The following RWDD1 variants were observed in gnomAD, a reference collection of about 807,000 sequenced individuals.
RWDD1 encodes the protein RWD domain containing 1.
RWDD1 carries 17 observed loss-of-function variants against 31.6 expected under a neutral mutation model. That is an observed-to-expected ratio of 0.54 (90% CI 0.37 to 0.81). The LOEUF (loss-of-function observed/expected upper bound fraction) is 0.81. RWDD1 is among the 30% of genes least tolerant of loss of function. RWDD1 has a pLI of 0.00. For synonymous variants in RWDD1, 78 were observed against 94.2 expected, an observed-to-expected ratio of 0.83 and a Z score of 0.99; for missense variants, 204 against 274.5, an observed-to-expected ratio of 0.74 and a Z score of 1.82.
chr6:116,583,305 T>C lies in RWDD1; in HGVS notation c.140-1422T>C, dbSNP rs149354099. On this transcript the variant is annotated intron_variant, in intron 2 of 6. Coordinates refer to ENST00000466444, the MANE Select transcript of RWDD1 (RefSeq NM_015952.4). ...TTCCATTTTCCTTTGTCTCAAGATA[T>C]TTTTAAAGTTCCCTTTAAGTTTCTT... Among the ~76,000 whole-genome samples, 59 of 152,272 alleles carry C rather than the reference T, an allele frequency of 3.9e-4. 2 individuals are homozygous for C. The East Asian group carries it at 0.011, about 29-fold the overall frequency.
At position 116,590,288 on chromosome 6, in the gene RWDD1, C is replaced by T. The variant is rs1454800465; in HGVS notation, c.431C>T (p.Thr144Ile). 6.4e-7 allele frequency: 1 copy of T among 1,567,052 alleles called. No individual in the cohort carries two copies. Among genetic ancestry groups the T allele is most frequent in the South Asian group, 1.2e-5 (1 of 83,904 alleles). ...EEAEKQLFHG[T>I]PVTIENFLNW... The stretch of plus-strand genomic sequence containing the variant: ...TTTCCTAAGCAATTATTCCATGGTA[C>T]TCCAGTTACAATTGAGAATTTCTTA... The change falls in exon 5 of 7, where the codon ACT becomes ATT. Residue 144 changes from threonine (T) to isoleucine (I), a missense_variant. Physicochemically the swap from Thr to Ile is moderately conservative, Grantham distance 89. Transcript: ENST00000466444.
chr6:116,590,800 G>C, intron 5 of RWDD1, 88 bp from the exon 6 acceptor site: 1 of 1,468,900 alleles, frequency 6.8e-7, no homozygotes, highest in South Asian at 1.4e-5. Context: ...CAGAAAAAGA[G>C]GTTTTCAAAT....
At chr6:116,579,264 A>G (rs941998957) in intron 1 of RWDD1, among the ~76,000 whole-genome samples, 7 of 152,238 alleles carry the variant, frequency 4.6e-5, no homozygotes, top group Admixed American at 3.3e-4. Context: ...TTACTTCTTC[A>G]GTAATCCATT....
At chr6:116,591,723 G>A (rs1775148679) in intron 6 of RWDD1, among the ~76,000 whole-genome samples, 1 of 152,236 alleles carries the variant, frequency 6.6e-6, no homozygotes, top group South Asian at 2.1e-4. Flanking sequence ...TCCATACTCA[G>A]TCACACCTTT....
rs1775180692 is a variant in RWDD1, at chr6:116,593,175, C to G, written c.*74C>G. 3 of 1,398,142 alleles carry G rather than the reference C, an allele frequency of 2.1e-6. No individual in the cohort carries two copies. The South Asian group carries it at 5.0e-5, about 23-fold the overall frequency. 86.6% of individuals were successfully genotyped at this position (1,398,142 alleles called of 1,614,324 possible). A position where few individuals can be genotyped will look rare whatever the true frequency, so the allele number is the denominator to read the frequency against. ...CTATGCTCAGAGGGTTATGATTTTCCTTTCTTTTTTTCTAAGAAAAAATTA... is the reference window on the plus strand; with the variant it reads ...CTATGCTCAGAGGGTTATGATTTTCGTTTCTTTTTTTCTAAGAAAAAATTA... On this transcript the variant is annotated 3_prime_UTR_variant, in exon 7 of 7. Transcript: ENST00000466444.
At chr6:116,586,891 C>A (rs1562379074) in intron 3 of RWDD1, among the ~76,000 whole-genome samples, 1 of 152,108 alleles carries the variant, frequency 6.6e-6, no homozygotes, top group Non-Finnish European at 1.5e-5. Context: ...TATCTGTTTT[C>A]TCACATTTGC....
intron 1 of RWDD1, chr6:116,573,948 C>G: frequency 1.0e-6 from 1 of 967,794 alleles, no homozygotes; most frequent in Non-Finnish European, 1.2e-6. Context: ...TTTAGCCTAA[C>G]CTCAGAATTA....
At chr6:116,572,767 T>C (rs1408192762) in intron 1 of RWDD1, 7 of 798,788 alleles carry the variant, frequency 8.8e-6, no homozygotes, top group Non-Finnish European at 1.1e-5. Context: ...TTCCAACCCC[T>C]CTCCCTTTCA....
chr6:116,593,319 A>T lies in RWDD1; in HGVS notation c.*218A>T. 1 of 382,866 alleles carries T rather than the reference A, an allele frequency of 2.6e-6. No homozygotes were observed. Among genetic ancestry groups the T allele is most frequent in the South Asian group, 6.1e-5 (1 of 16,444 alleles). The allele number at this position is 382,866 out of a possible 1,614,324, so 23.7% of individuals were successfully genotyped here. ...GTTGAGCACAAGGTTACGTATTTAA[A>T]ATCACCTAGTATTTGAGAGAGATCC... is the stretch of plus-strand genomic sequence containing the variant. On this transcript the variant is annotated 3_prime_UTR_variant, in exon 7 of 7. Transcript: ENST00000466444.
Position 116,593,094 on chromosome 6 carries a change from C to G in RWDD1, c.725C>G (p.Ala242Gly), listed in dbSNP as rs779674792. 2.5e-6 allele frequency: 4 copies of G among 1,613,526 alleles called. No individual in the cohort carries two copies. Among genetic ancestry groups the G allele is most frequent in the Non-Finnish European group, 3.4e-6 (4 of 1,179,798 alleles). ...YNPADPESDS[A>G]D Reference sequence around the variant, plus strand: ...CCTGCTGACCCAGAGAGTGACTCAGCTGACTAATGGACTGTCCCCATCTGC... The same window carrying G: ...CCTGCTGACCCAGAGAGTGACTCAGGTGACTAATGGACTGTCCCCATCTGC... Residue 242 changes from alanine to glycine, a missense_variant, in exon 7 of 7, where the codon GCT becomes GGT. Physicochemically the swap from Ala to Gly is moderately conservative, Grantham distance 60. Coordinates refer to ENST00000466444, the MANE Select transcript of RWDD1 (RefSeq NM_015952.4).
chr6:116,583,533 T>TACAC (rs140684945), intron 2 of RWDD1, among the ~76,000 whole-genome samples: 8 of 149,892 alleles, frequency 5.3e-5, no homozygotes, highest in Non-Finnish European at 1.2e-4. Context: ...TCTCACCACA[T>TACAC]ACACACACAC....
chr6:116,590,191 T>C, intron 4 of RWDD1, 81 bp from the exon 5 acceptor site: 1 of 708,064 alleles, frequency 1.4e-6, no homozygotes, highest in Non-Finnish European at 2.3e-6. Flanking sequence ...GGGGTTATAT[T>C]GATATGTTTA....
At chr6:116,573,850 G>A (rs994096181) in intron 1 of RWDD1, among the ~76,000 whole-genome samples, 7 of 151,850 alleles carry the variant, frequency 4.6e-5, no homozygotes, top group African/African-American at 1.4e-4. Flanking sequence ...ATGACTGAGT[G>A]CTTGACAAAG....
chr6:116,582,815 G>C (rs963508935), intron 2 of RWDD1, among the ~76,000 whole-genome samples: 6 of 151,094 alleles, frequency 4.0e-5, no homozygotes, highest in Non-Finnish European at 5.9e-5. Flanking sequence ...TCTTTTTCTA[G>C]TTCCTTGAGG....
At chr6:116,587,758 TAAG>T (rs1364224171) in intron 3 of RWDD1, among the ~76,000 whole-genome samples, 1 of 151,982 alleles carries the variant, frequency 6.6e-6, no homozygotes. Context: ...TCATAGCTTT[TAAG>T]AAGACCAGTT....
intron 1 of RWDD1, chr6:116,574,075 C>A: frequency 1.4e-6 from 1 of 699,838 alleles, no homozygotes; most frequent in Non-Finnish European, 1.8e-6. Context: ...GCACATTGAT[C>A]CAACCCTCCT....
intron 6 of RWDD1, among the ~76,000 whole-genome samples, chr6:116,592,555 A>AAGATC (rs1351136225): frequency 6.6e-6 from 1 of 152,228 alleles, no homozygotes; most frequent in Non-Finnish European, 1.5e-5. Flanking sequence ...GGTGAGAATG[A>AAGATC]AGATCAAATC....
At chr6:116,585,362 G>C (rs1203225820) in intron 3 of RWDD1, among the ~76,000 whole-genome samples, 1 of 152,054 alleles carries the variant, frequency 6.6e-6, no homozygotes, top group Non-Finnish European at 1.5e-5. Context: ...GGGGAGGCTT[G>C]TGTGGAAATA....
chr6:116,593,110 C>G lies in RWDD1; in HGVS notation c.*9C>G. 2 of 1,610,132 alleles carry G rather than the reference C, an allele frequency of 1.2e-6. No homozygotes were observed. The highest frequency in any genetic ancestry group is 2.2e-5 in the South Asian group (2 of 90,206). On this transcript the variant is annotated 3_prime_UTR_variant, in exon 7 of 7. Transcript: ENST00000466444. ...GTGACTCAGCTGACTAATGGACTGT[C>G]CCCATCTGCAGAGAGGCTTGACTGC...
Sources: allele counts gnomAD v4.1 joint callset (sites outside exome capture counted in the v4.1 genomes callset), GRCh38; gene constraint gnomAD v4.1.1; transcripts MANE v1.5; gene names NCBI Gene and HGNC (gene_info 2026-07-23, HGNC 2026-07-21).